The following CRPPA variants were observed in gnomAD, a reference collection of about 807,000 sequenced individuals.
CRPPA encodes the protein D-ribitol-5-phosphate cytidylyltransferase.
CRPPA carries 43 observed loss-of-function variants against 52.0 expected under a neutral mutation model. The observed-to-expected ratio is 0.83, with a 90% CI of 0.65 to 1.07. The LOEUF is 1.07. CRPPA is among the 50% of genes least tolerant of loss of function. The probability of loss-of-function intolerance (pLI) is 0.00; values close to 1 mark genes in which losing one functional copy is unlikely to be tolerated. For synonymous variants in CRPPA, 250 were observed against 203.5 expected (o/e 1.23, Z -1.94); for missense variants, 629 against 551.7 (o/e 1.14, Z -1.40).
At chr7:16,213,558 G>C (rs1448906232) in intron 9 of CRPPA, among the ~76,000 whole-genome samples, 1 of 151,948 alleles carries the variant, frequency 6.6e-6, no homozygotes, top group Non-Finnish European at 1.5e-5. Context: ...AGACCAGCCG[G>C]GTCAACATGG....
At chr7:16,328,491 A>C (rs370668476) in intron 3 of CRPPA, among the ~76,000 whole-genome samples, 1 of 132,412 alleles carries the variant, frequency 7.6e-6, no homozygotes, top group Middle Eastern at 3.9e-3. Context: ...ATAAATAGCT[A>C]TCTCCAGGGT....
chr7:16,265,906 G>T (rs1783940370), intron 6 of CRPPA, among the ~76,000 whole-genome samples: 1 of 152,130 alleles, frequency 6.6e-6, no homozygotes, highest in African/African-American at 2.4e-5. Context: ...CCAGTAAGGG[G>T]CTAGCACTCA....
chr7:16,341,318 G>A (rs1785822335), intron 3 of CRPPA, among the ~76,000 whole-genome samples: 1 of 151,914 alleles, frequency 6.6e-6, no homozygotes. Context: ...TCTGGTAGGG[G>A]ATATTGATCA....
intron 8 of CRPPA, among the ~76,000 whole-genome samples, chr7:16,244,785 G>A (rs1240635934): frequency 2.0e-5 from 3 of 152,088 alleles, no homozygotes; most frequent in Non-Finnish European, 4.4e-5. Context: ...GAAGACCCTT[G>A]TATAAGAAAA....
At chr7:16,271,587 C>T (rs1784090673) in intron 6 of CRPPA, among the ~76,000 whole-genome samples, 1 of 152,136 alleles carries the variant, frequency 6.6e-6, no homozygotes, top group South Asian at 2.1e-4. Context: ...CCCAATGAAG[C>T]TCTTTATGTG....
At chr7:16,376,650 G>A (rs1255357749) in intron 2 of CRPPA, among the ~76,000 whole-genome samples, 1 of 152,074 alleles carries the variant, frequency 6.6e-6, no homozygotes, top group Non-Finnish European at 1.5e-5. Flanking sequence ...GATACTTAAG[G>A]AAATAAACAA....
intron 3 of CRPPA, among the ~76,000 whole-genome samples, chr7:16,364,503 T>C (rs1786539692): frequency 6.6e-6 from 1 of 152,214 alleles, no homozygotes. Context: ...GTGCGTTGCA[T>C]GCTTGTCTTT....
At chr7:16,375,286 G>C (rs927270230) in intron 3 of CRPPA, among the ~76,000 whole-genome samples, 3 of 152,096 alleles carry the variant, frequency 2.0e-5, no homozygotes, top group African/African-American at 7.2e-5. Flanking sequence ...ATAGCAAGTT[G>C]ACTAAAGCAC....
At chr7:16,177,088 T>C (rs546350714) in intron 9 of CRPPA, among the ~76,000 whole-genome samples, 1 of 152,154 alleles carries the variant, frequency 6.6e-6, no homozygotes, top group East Asian at 1.9e-4. Context: ...TTATATGACA[T>C]TGTTGAAAAG....
intron 9 of CRPPA, among the ~76,000 whole-genome samples, chr7:16,095,857 C>T (rs1781925306): frequency 6.6e-6 from 1 of 152,168 alleles, no homozygotes; most frequent in Admixed American, 6.5e-5. Context: ...CAGTCCTTGG[C>T]CAGCTCCTAA....
At chr7:16,356,972 G>A (rs545593138) in intron 3 of CRPPA, among the ~76,000 whole-genome samples, 1 of 152,200 alleles carries the variant, frequency 6.6e-6, no homozygotes, top group Admixed American at 6.5e-5. Context: ...AAAAGCCAAA[G>A]ATGTTTATCA....
chr7:16,398,490 T>G (rs907104371), intron 2 of CRPPA, among the ~76,000 whole-genome samples: 2 of 152,030 alleles, frequency 1.3e-5, no homozygotes, highest in Admixed American at 1.3e-4. Flanking sequence ...GCACATGACC[T>G]ATATCATTGG....
chr7:16,167,937 T>C (rs1159218978), intron 9 of CRPPA, among the ~76,000 whole-genome samples: 1 of 152,220 alleles, frequency 6.6e-6, no homozygotes, highest in Non-Finnish European at 1.5e-5. Context: ...TATTCCTCAT[T>C]GTATTATCCT....
At chr7:16,291,753 A>C (rs1383310360) in intron 5 of CRPPA, among the ~76,000 whole-genome samples, 3 of 149,360 alleles carry the variant, frequency 2.0e-5, no homozygotes, top group African/African-American at 7.4e-5. Flanking sequence ...TCCTCAAAGT[A>C]AAAAAAAAAT....
chr7:16,308,088 G>T (rs778576456), intron 4 of CRPPA, among the ~76,000 whole-genome samples: 4 of 151,984 alleles, frequency 2.6e-5, no homozygotes, highest in African/African-American at 9.7e-5. Context: ...GTCTCGAAGT[G>T]TCTCACTCCT....
intron 5 of CRPPA, among the ~76,000 whole-genome samples, chr7:16,294,591 TCA>T (rs1028784076): frequency 6.6e-6 from 1 of 151,978 alleles, no homozygotes; most frequent in Non-Finnish European, 1.5e-5. Context: ...AAACATACAG[TCA>T]CAGTATTCTT....
intron 5 of CRPPA, among the ~76,000 whole-genome samples, chr7:16,296,781 AGC>A (rs1784683625): frequency 6.6e-6 from 1 of 152,162 alleles, no homozygotes; most frequent in Admixed American, 6.6e-5. Context: ...ATTTTTTCTG[AGC>A]ATGTCTAGAA....
intron 2 of CRPPA, among the ~76,000 whole-genome samples, chr7:16,393,956 C>A (rs1418786128): frequency 1.3e-5 from 2 of 152,014 alleles, no homozygotes; most frequent in Non-Finnish European, 2.9e-5. Flanking sequence ...AACCTATTAA[C>A]AAAATGCTAA....
intron 2 of CRPPA, among the ~76,000 whole-genome samples, chr7:16,397,438 T>G (rs1787628307): frequency 6.6e-6 from 1 of 151,830 alleles, no homozygotes; most frequent in African/African-American, 2.4e-5. Context: ...GTGTAACGTG[T>G]GATGTAACAG....
Sources: gnomAD v4.1 joint callset for allele counts (sites outside exome capture counted in the v4.1 genomes callset) on GRCh38, gnomAD v4.1.1 for gene constraint, MANE v1.5 for transcripts, NCBI Gene and HGNC (gene_info 2026-07-23, HGNC 2026-07-21) for gene names.